The following EIF4G3 variants were observed in gnomAD, a reference collection of about 807,000 sequenced individuals.
EIF4G3 encodes eukaryotic translation initiation factor 4 gamma 3, also known as eIF-4-gamma 3.
A neutral mutation model predicts 186.4 loss-of-function variants in EIF4G3; 34 were observed. The observed-to-expected ratio is 0.18, with a 90% confidence interval of 0.14 to 0.24. The LOEUF is 0.24. Ranked by LOEUF, EIF4G3 falls within the 10% of genes least tolerant of loss-of-function variation. The pLI is 1.00. For missense variants in EIF4G3, 1,536 were observed against 1,948.5 expected (o/e 0.79, Z 3.99); for synonymous variants, 673 against 679.5 (o/e 0.99, Z 0.15).
intron 2 of EIF4G3, among the ~76,000 whole-genome samples, chr1:21,150,410 G>A (rs1000663261): frequency 6.6e-6 from 1 of 152,164 alleles, no homozygotes; most frequent in Non-Finnish European, 1.5e-5. Flanking sequence ...ATGGCGTCAT[G>A]AAAAATTTGA....
Position 20,806,568 on chromosome 1 carries a change from T to A in EIF4G3, c.*751A>T, listed in dbSNP as rs981690825. On this transcript the variant is annotated 3_prime_UTR_variant, in exon 37 of 37. Transcript: ENST00000602326. ...CTGAGTCAATTTCTTTTTGTTTTTT[T>A]AAATATTTGTTCTATGTATTTACAA... 1.3e-5 allele frequency: 2 copies of A among 152,640 alleles called. No homozygotes were observed. The highest frequency in any genetic ancestry group is 4.1e-4 in the South Asian group (2 of 4,832). The allele number at this position is 152,640 out of a possible 1,614,324, so 9.5% of individuals were successfully genotyped here.
intron 2 of EIF4G3, among the ~76,000 whole-genome samples, chr1:21,150,182 T>C (rs1257434422): frequency 6.6e-6 from 1 of 152,202 alleles, no homozygotes; most frequent in Non-Finnish European, 1.5e-5. Flanking sequence ...TGCCCGCCCC[T>C]GCTGCAGCAG....
intron 12 of EIF4G3, among the ~76,000 whole-genome samples, chr1:20,961,791 T>C (rs1038017854): frequency 1.3e-5 from 2 of 152,236 alleles, no homozygotes; most frequent in African/African-American, 2.4e-5. Flanking sequence ...TACATATTAT[T>C]GAAAAGAACC....
chr1:20,972,767 T>C (rs1224467360), intron 11 of EIF4G3, among the ~76,000 whole-genome samples: 1 of 152,166 alleles, frequency 6.6e-6, no homozygotes, highest in Non-Finnish European at 1.5e-5. Flanking sequence ...TGTTGTCATG[T>C]AGCAAACCTA....
intron 2 of EIF4G3, among the ~76,000 whole-genome samples, chr1:21,170,620 G>A (rs1313040774): frequency 2.0e-5 from 3 of 151,472 alleles, no homozygotes; most frequent in East Asian, 1.9e-4. Context: ...GCAGTGAGCC[G>A]AGACTGCGCC....
At chr1:20,899,586 T>C in intron 16 of EIF4G3, 111 bp downstream of exon 16, 1 of 1,334,804 alleles carries the variant, frequency 7.5e-7, no homozygotes, top group Non-Finnish European at 1.0e-6. Flanking sequence ...AAATATTATA[T>C]TGTGATAAAC....
At chr1:21,064,035 ATACTT>A (rs928955021) in intron 3 of EIF4G3, among the ~76,000 whole-genome samples, 1 of 151,936 alleles carries the variant, frequency 6.6e-6, no homozygotes, top group African/African-American at 2.4e-5. Flanking sequence ...GCCTCCTGTC[ATACTT>A]TTCTCTGTGT....
chr1:20,993,433 GGA>G (rs2081555928), intron 7 of EIF4G3, among the ~76,000 whole-genome samples: 1 of 151,734 alleles, frequency 6.6e-6, no homozygotes, highest in Non-Finnish European at 1.5e-5. Flanking sequence ...TTACTAAACT[GGA>G]TGATGTTTTC....
chr1:21,054,485 AAAAG>A (rs1311432659), intron 3 of EIF4G3, among the ~76,000 whole-genome samples: 1 of 152,086 alleles, frequency 6.6e-6, no homozygotes, highest in African/African-American at 2.4e-5. Context: ...AAAGAAAAGA[AAAAG>A]AAAAAAACAA....
At chr1:20,873,367 G>A (rs1389626494) in intron 20 of EIF4G3, among the ~76,000 whole-genome samples, 1 of 152,090 alleles carries the variant, frequency 6.6e-6, no homozygotes, top group East Asian at 1.9e-4. Context: ...TTTATTGGTT[G>A]TGTATATACC....
At chr1:20,986,744 CAAAAAAAAAAAAAAAAAAAAA>C (rs61255473) in intron 7 of EIF4G3, among the ~76,000 whole-genome samples, 11 of 66,304 alleles carry the variant, frequency 1.7e-4, no homozygotes, top group Non-Finnish European at 2.7e-4. Context: ...GCTCTGTCTC[CAAAAAAAAAAAAAAAAAAAAA>C]AAAAAAGAAA....
chr1:20,991,881 C>T (rs2081212569), intron 7 of EIF4G3, among the ~76,000 whole-genome samples: 1 of 152,176 alleles, frequency 6.6e-6, no homozygotes, highest in Admixed American at 6.5e-5. Flanking sequence ...TGACACCTAC[C>T]AAGGACTTAT....
rs2090395046 is a variant in EIF4G3, at chr1:21,020,393, G to T, written c.-66-17585C>A. ...TGGTCTGAGCTACTTGCAAGGCTGA[G>T]GTGGAAGAACTGCTTCAGCCTAGGA... On this transcript the variant is annotated intron_variant, in intron 4 of 36. Transcript: ENST00000602326. 5.9e-5 allele frequency among the ~76,000 whole-genome samples: 9 copies of T among 152,252 alleles called. No homozygotes were observed. The South Asian group carries it at 1.9e-3, about 32-fold the overall frequency.
intron 33 of EIF4G3, among the ~76,000 whole-genome samples, chr1:20,817,769 G>A (rs1233664965): frequency 1.3e-5 from 2 of 149,144 alleles, no homozygotes; most frequent in East Asian, 2.0e-4. Context: ...CCACATCACG[G>A]GCTCAAGCAA....
chr1:20,940,311 A>G (rs1304412908), intron 14 of EIF4G3, among the ~76,000 whole-genome samples: 4 of 152,214 alleles, frequency 2.6e-5, no homozygotes, highest in African/African-American at 4.8e-5. Context: ...AAGATTTATG[A>G]AAAATTTCTC....
chr1:20,944,575 CAGAG>C (rs949877596), intron 13 of EIF4G3, among the ~76,000 whole-genome samples: 1 of 150,106 alleles, frequency 6.7e-6, no homozygotes, highest in South Asian at 2.1e-4. Flanking sequence ...GGTGGGGGGA[CAGAG>C]AGAGAGAGAA....
intron 7 of EIF4G3, among the ~76,000 whole-genome samples, chr1:20,993,187 T>C (rs536972325): frequency 2.7e-4 from 41 of 152,248 alleles, no homozygotes; most frequent in African/African-American, 9.9e-4. Flanking sequence ...GTGGCTGAAA[T>C]AATCCTAACT....
chr1:20,967,282 T>C (rs1402162777), intron 12 of EIF4G3, among the ~76,000 whole-genome samples: 2 of 152,232 alleles, frequency 1.3e-5, no homozygotes, highest in African/African-American at 4.8e-5. Context: ...GTCTATCCTT[T>C]ATCTGGCTTG....
At chr1:21,026,748 G>A (rs1020727999) in intron 4 of EIF4G3, among the ~76,000 whole-genome samples, 1 of 151,914 alleles carries the variant, frequency 6.6e-6, no homozygotes, top group Non-Finnish European at 1.5e-5. Flanking sequence ...CCAGGAGTTC[G>A]AGACCAACCT....
Sources: gnomAD v4.1 joint callset for allele counts (sites outside exome capture counted in the v4.1 genomes callset) on GRCh38, gnomAD v4.1.1 for gene constraint, MANE v1.5 for transcripts, NCBI Gene and HGNC (gene_info 2026-07-23, HGNC 2026-07-21) for gene names.